Variants in RIC8B observed in about 807,000 individuals in gnomAD.
The protein encoded by RIC8B is chaperone Ric-8B.
RIC8B carries 16 observed loss-of-function variants against 57.5 expected under a neutral mutation model. The ratio of observed to expected loss-of-function variants is 0.28; its 90% CI spans 0.19 to 0.42. The LOEUF (loss-of-function observed/expected upper bound fraction) is 0.42, where lower values mean the gene tolerates loss of function less well. RIC8B is among the 10% of genes least tolerant of loss of function. RIC8B has a pLI of 1.00. For missense variants in RIC8B, 481 were observed against 677.0 expected (o/e 0.71, Z 3.21); for synonymous variants, 216 against 250.8 (o/e 0.86, Z 1.31).
rs756398624 is a variant in RIC8B, at chr12:106,815,304, G to GGTAAGGT, written c.741+1_741+7dup. 2 of 1,602,090 alleles carry GGTAAGGT rather than the reference G, an allele frequency of 1.2e-6. No individual in the cohort carries two copies. Among genetic ancestry groups the GGTAAGGT allele is most frequent in the South Asian group, 2.2e-5 (2 of 88,954 alleles). ...TAGACAGTTGGAAGGTGCATAAAGAGGTAAGGTAGAGAAGGCTATTTTTGT... is the reference window on the plus strand; with the variant it reads ...TAGACAGTTGGAAGGTGCATAAAGAGGTAAGGTGTAAGGTAGAGAAGGCTATTTTTGT... On this transcript the variant is annotated frameshift_variant and splice_region_variant. Coordinates refer to ENST00000392837, the MANE Select transcript of RIC8B (RefSeq NM_001330145.2). LOFTEE classifies it high-confidence loss of function.
intron 9 of RIC8B, chr12:106,880,037 G>A: frequency 1.3e-6 from 1 of 780,776 alleles, no homozygotes; most frequent in Non-Finnish European, 1.6e-6. Flanking sequence ...TGATATACAT[G>A]TATCTGACAC....
Position 106,815,319 on chromosome 12 carries a change from G to A in RIC8B, c.741+15G>A, listed in dbSNP as rs746297887. ...TGCATAAAGAGGTAAGGTAGAGAAG[G>A]CTATTTTTGTCTACCTGGAATTTAA... is the stretch of plus-strand genomic sequence containing the variant. On this transcript the variant is annotated intron_variant, in intron 3 of 9. Coordinates refer to ENST00000392837, the MANE Select transcript of RIC8B (RefSeq NM_001330145.2). 2.5e-6 allele frequency: 4 copies of A among 1,574,942 alleles called. No individual in the cohort carries two copies. The highest frequency in any genetic ancestry group is 3.4e-6 in the Non-Finnish European group (4 of 1,162,440).
At chr12:106,821,076 T>C (rs536644584) in intron 3 of RIC8B, among the ~76,000 whole-genome samples, 1 of 152,348 alleles carries the variant, frequency 6.6e-6, no homozygotes, top group African/African-American at 2.4e-5. Flanking sequence ...TTGTATAAGC[T>C]GTGTTTGTAT....
At chr12:106,811,464 A>G (rs888831555) in intron 2 of RIC8B, among the ~76,000 whole-genome samples, 1 of 152,178 alleles carries the variant, frequency 6.6e-6, no homozygotes, top group African/African-American at 2.4e-5. Context: ...TGTTTTTTAA[A>G]AGTCCTTTAG....
At chr12:106,861,267 T>C (rs1949922220) in intron 8 of RIC8B, among the ~76,000 whole-genome samples, 1 of 152,038 alleles carries the variant, frequency 6.6e-6, no homozygotes, top group Non-Finnish European at 1.5e-5. Context: ...TGGCATCTTC[T>C]GGAGTGTGAT....
At chr12:106,869,915 G>A (rs1028540314) in intron 8 of RIC8B, among the ~76,000 whole-genome samples, 8 of 152,138 alleles carry the variant, frequency 5.3e-5, no homozygotes, top group Non-Finnish European at 1.0e-4. Flanking sequence ...CTCCAACGTG[G>A]GTGACAGAGC....
chr12:106,812,145 C>G (rs188004075), intron 2 of RIC8B, among the ~76,000 whole-genome samples: 24 of 152,258 alleles, frequency 1.6e-4, no homozygotes, highest in African/African-American at 5.3e-4. Flanking sequence ...AGCTGTGCAA[C>G]AGTCACCGTG....
At chr12:106,866,322 G>A (rs769087738) in intron 8 of RIC8B, among the ~76,000 whole-genome samples, 3 of 152,084 alleles carry the variant, frequency 2.0e-5, no homozygotes, top group Non-Finnish European at 4.4e-5. Context: ...CAAGAAAATT[G>A]AGTTCCCTTT....
chr12:106,872,179 A>C (rs978928205), intron 9 of RIC8B, among the ~76,000 whole-genome samples: 1 of 152,208 alleles, frequency 6.6e-6, no homozygotes, highest in African/African-American at 2.4e-5. Flanking sequence ...TACATTCTCC[A>C]TACCTTTGTA....
At chr12:106,837,491 A>G (rs2136392019) in intron 4 of RIC8B, among the ~76,000 whole-genome samples, 1 of 152,314 alleles carries the variant, frequency 6.6e-6, no homozygotes, top group East Asian at 1.9e-4. Context: ...TGTCCATGCC[A>G]GAGAATAAGT....
chr12:106,835,343 C>T (rs1012781030), intron 4 of RIC8B, among the ~76,000 whole-genome samples: 3 of 152,158 alleles, frequency 2.0e-5, no homozygotes, highest in African/African-American at 7.2e-5. Context: ...GTTTAGGAAC[C>T]TGTTTTCAGT....
intron 1 of RIC8B, among the ~76,000 whole-genome samples, chr12:106,779,567 T>C (rs1382271592): frequency 6.6e-6 from 1 of 151,202 alleles, no homozygotes; most frequent in African/African-American, 2.4e-5. Flanking sequence ...TTACTTATAA[T>C]ACGTAATACA....
intron 4 of RIC8B, among the ~76,000 whole-genome samples, chr12:106,827,770 G>A (rs1011595792): frequency 4.0e-5 from 6 of 151,816 alleles, no homozygotes; most frequent in East Asian, 1.9e-4. Flanking sequence ...AATTTTTTTC[G>A]TAATTAAGAG....
intron 6 of RIC8B, among the ~76,000 whole-genome samples, chr12:106,847,587 G>T (rs1054149812): frequency 6.6e-6 from 1 of 152,072 alleles, no homozygotes; most frequent in Non-Finnish European, 1.5e-5. Context: ...ACTCAATTTT[G>T]TGAGATTTAG....
intron 9 of RIC8B, among the ~76,000 whole-genome samples, chr12:106,880,713 A>G (rs557918849): frequency 1.3e-5 from 2 of 152,218 alleles, no homozygotes; most frequent in African/African-American, 4.8e-5. Flanking sequence ...TTCCTGACAA[A>G]TGGTCTCCCA....
At chr12:106,813,089 T>C (rs376357640) in intron 2 of RIC8B, among the ~76,000 whole-genome samples, 4 of 152,148 alleles carry the variant, frequency 2.6e-5, no homozygotes, top group African/African-American at 9.7e-5. Context: ...AATAAAACGA[T>C]TTACGTAGCA....
intron 4 of RIC8B, among the ~76,000 whole-genome samples, chr12:106,833,935 CCT>C (rs914389621): frequency 6.6e-6 from 1 of 152,110 alleles, no homozygotes; most frequent in South Asian, 2.1e-4. Flanking sequence ...ACCTTCTCCC[CCT>C]CTTTCTTGCT....
rs528962432 is a variant in RIC8B at position 106,843,089 on chromosome 12, A to G, written c.1065+272A>G. Among the ~76,000 whole-genome samples, 3 of 152,358 alleles carry G rather than the reference A, an allele frequency of 2.0e-5. No individual in the cohort carries two copies. In the South Asian group the frequency reaches 6.2e-4, roughly 32 times the overall value. On this transcript the variant is annotated intron_variant, in intron 5 of 9. Transcript: ENST00000392837. The stretch of plus-strand genomic sequence containing the variant: ...CTTGAAAACAAAGGAAAAAGTAATT[A>G]CTGTTCCATTTTGTTACTTTGTGAG...
intron 2 of RIC8B, among the ~76,000 whole-genome samples, chr12:106,805,468 G>A (rs1437261763): frequency 6.6e-6 from 1 of 152,050 alleles, no homozygotes; most frequent in Non-Finnish European, 1.5e-5. Context: ...CTGCACTCCA[G>A]CCTAGGTGAC....
Sources: allele counts gnomAD v4.1 joint callset (sites outside exome capture counted in the v4.1 genomes callset), GRCh38; gene constraint gnomAD v4.1.1; transcripts MANE v1.5; gene names NCBI Gene and HGNC (gene_info 2026-07-23, HGNC 2026-07-21).